Variants in CDADC1 observed in about 807,000 individuals in gnomAD.
CDADC1 encodes the protein dCTP deaminase.
A neutral mutation model predicts 54.9 loss-of-function variants in CDADC1; 39 were observed. That is an observed-to-expected ratio of 0.71 (90% confidence interval 0.55 to 0.93). The LOEUF (loss-of-function observed/expected upper bound fraction) is 0.93, where lower values mean the gene tolerates loss of function less well. Among genes scored for constraint, CDADC1 ranks in the 40% least tolerant of loss-of-function variants. The pLI is 0.00. For synonymous variants in CDADC1, 186 were observed against 204.0 expected (o/e 0.91, Z 0.75); for missense variants, 518 against 618.8 (o/e 0.84, Z 1.73).
In CDADC1 at chr13:49,291,793, C is replaced by CT; in HGVS notation, c.*40dup. On this transcript the variant is annotated 3_prime_UTR_variant, in exon 10 of 10. Transcript: ENST00000251108. ...CTACACTGCAGGGGAACCTCAAGAA[C>CT]TTTTCATTGCACTTCTAAAATTCAG... 1 of 1,591,216 alleles carries CT rather than the reference C, an allele frequency of 6.3e-7. No individual in the cohort carries two copies. Among genetic ancestry groups the CT allele is most frequent in the Non-Finnish European group, 8.5e-7 (1 of 1,171,084 alleles).
chr13:49,289,853 T>C (rs1017390874), intron 9 of CDADC1, among the ~76,000 whole-genome samples: 1 of 152,152 alleles, frequency 6.6e-6, no homozygotes, highest in African/African-American at 2.4e-5. Context: ...AAGACCAGCC[T>C]GGGCATCACA....
intron 4 of CDADC1, among the ~76,000 whole-genome samples, chr13:49,264,109 C>G (rs1473629649): frequency 6.6e-6 from 1 of 152,240 alleles, no homozygotes; most frequent in Non-Finnish European, 1.5e-5. Flanking sequence ...CTGTGGTTCC[C>G]TAGTCAAGTC....
chr13:49,280,626 A>C lies in CDADC1; in HGVS notation c.1338A>C (p.Val446=), dbSNP rs1487108230. ...TAAAACAAATCTATGCAGGAGATGTAGATGTTGGAAAAAAGAAGGCAGACA... is the reference window on the plus strand; with the variant it reads ...TAAAACAAATCTATGCAGGAGATGTCGATGTTGGAAAAAAGAAGGCAGACA... ...AGIKQIYAGD[V]DVGKKKADIS... The change falls in exon 8 of 10, where the codon GTA becomes GTC. Residue 446 remains valine, a synonymous_variant. Coordinates refer to ENST00000251108, the MANE Select transcript of CDADC1 (RefSeq NM_030911.4). The C allele has an allele frequency of 6.2e-7, 1 of 1,602,308 alleles. No homozygotes were observed.
intron 8 of CDADC1, among the ~76,000 whole-genome samples, chr13:49,283,241 G>T (rs1953403232): frequency 6.6e-6 from 1 of 152,024 alleles, no homozygotes; most frequent in East Asian, 1.9e-4. Context: ...TCCAGTGTCT[G>T]TCATGTGTAT....
rs180781464 is a variant in CDADC1 at position 49,261,017 on chromosome 13, C to G, written c.430+1494C>G. On this transcript the variant is annotated intron_variant, in intron 4 of 9. Coordinates refer to ENST00000251108, the MANE Select transcript of CDADC1 (RefSeq NM_030911.4). ...TCATCAAGTTGTAAGAAGCAAAGTTCTAGGGGTCAGTATTTGAAATGGAGA... is the reference window on the plus strand; with the variant it reads ...TCATCAAGTTGTAAGAAGCAAAGTTGTAGGGGTCAGTATTTGAAATGGAGA... Among the ~76,000 whole-genome samples the G allele has an allele frequency of 9.1e-4, 139 of 152,188 alleles. 1 individual carries two copies. Among genetic ancestry groups the G allele is most frequent in the Non-Finnish European group, 3.1e-4 (21 of 68,006 alleles).
chr13:49,286,451 C>T (rs1953516988), intron 9 of CDADC1, among the ~76,000 whole-genome samples, 169 bp downstream of exon 9: 1 of 152,108 alleles, frequency 6.6e-6, no homozygotes. Flanking sequence ...CTACCATATG[C>T]TAGGTGCTAT....
chr13:49,255,540 T>C (rs1021484919), intron 2 of CDADC1, among the ~76,000 whole-genome samples: 2 of 152,238 alleles, frequency 1.3e-5, no homozygotes, highest in African/African-American at 4.8e-5. Context: ...TTTGGACTTT[T>C]CCATTACTCA....
Position 49,292,057 on chromosome 13 carries a change from AG to A in CDADC1, c.*301del, listed in dbSNP as rs572422893. The A allele has an allele frequency of 2.7e-6, 3 of 1,106,416 alleles. No individual in the cohort carries two copies. The African/African-American group carries it at 4.9e-5, about 18-fold the overall frequency. The allele number at this position is 1,106,416 out of a possible 1,614,324, so 68.5% of individuals were successfully genotyped here. Reference sequence around the variant, plus strand: ...TTTCTATTTATCTTGACTTTATATTAGCCAATTTGAAAGGGTCTGCTTCACA... The same window carrying A: ...TTTCTATTTATCTTGACTTTATATTACCAATTTGAAAGGGTCTGCTTCACA... On this transcript the variant is annotated 3_prime_UTR_variant, in exon 10 of 10. Transcript: ENST00000251108.
In CDADC1 at chr13:49,265,894, C is replaced by T. The variant is rs570310172; in HGVS notation, c.431-1596C>T. On this transcript the variant is annotated intron_variant, in intron 4 of 9. Coordinates refer to ENST00000251108, the MANE Select transcript of CDADC1 (RefSeq NM_030911.4). Reference sequence around the variant, plus strand: ...CTTGAATCAGGATTACTGGAAGCAGCTAAGATGCCTAGATGAAAGGTTTAC... The same window carrying T: ...CTTGAATCAGGATTACTGGAAGCAGTTAAGATGCCTAGATGAAAGGTTTAC... The T allele has an allele frequency of 5.4e-6, 7 of 1,302,872 alleles. No homozygotes were observed. The South Asian group carries it at 6.2e-5, about 12-fold the overall frequency. The allele number at this position is 1,302,872 out of a possible 1,614,324, so 80.7% of individuals were successfully genotyped here.
intron 7 of CDADC1, among the ~76,000 whole-genome samples, chr13:49,279,775 G>A (rs1407619161): frequency 2.0e-5 from 3 of 152,202 alleles, no homozygotes; most frequent in East Asian, 1.9e-4. Flanking sequence ...TGAGAGCTAC[G>A]TAAGCCTCAG....
intron 9 of CDADC1, among the ~76,000 whole-genome samples, chr13:49,291,309 AG>A (rs1434781060): frequency 6.6e-6 from 1 of 150,378 alleles, no homozygotes; most frequent in African/African-American, 2.4e-5. Context: ...CTGGGATTAC[AG>A]GTGTGCGCCA....
At chr13:49,260,506 C>T (rs929339833) in intron 4 of CDADC1, among the ~76,000 whole-genome samples, 17 of 152,196 alleles carry the variant, frequency 1.1e-4, no homozygotes, top group Admixed American at 1.0e-3. Context: ...CATTTCTGTT[C>T]TCATCCATTG....
intron 6 of CDADC1, among the ~76,000 whole-genome samples, chr13:49,278,052 T>A (rs1953197769): frequency 6.6e-6 from 1 of 152,210 alleles, no homozygotes; most frequent in Admixed American, 6.5e-5. Context: ...TGGGAAGTAA[T>A]ATCTGAATCA....
intron 9 of CDADC1, 52 bp downstream of exon 9, chr13:49,286,334 CA>C (rs1339561119): frequency 1.6e-6 from 2 of 1,288,874 alleles, no homozygotes; most frequent in Non-Finnish European, 2.2e-6. Context: ...AAAGGATATA[CA>C]GTGAATTTTA....
At chr13:49,256,549 G>A (rs1296617782) in intron 3 of CDADC1, among the ~76,000 whole-genome samples, 1 of 152,192 alleles carries the variant, frequency 6.6e-6, no homozygotes, top group Non-Finnish European at 1.5e-5. Flanking sequence ...CATGTTTTCT[G>A]CTAATATCCA....
intron 1 of CDADC1, chr13:49,248,618 GC>G: frequency 2.0e-6 from 1 of 488,684 alleles, no homozygotes. Context: ...ATGTGTATTA[GC>G]TGTACCGTTT....
At chr13:49,253,436 A>G (rs1394788768) in intron 2 of CDADC1, among the ~76,000 whole-genome samples, 2 of 152,208 alleles carry the variant, frequency 1.3e-5, no homozygotes, top group African/African-American at 2.4e-5. Context: ...TTGGAGCAGC[A>G]CCTTAGTCTA....
intron 8 of CDADC1, among the ~76,000 whole-genome samples, chr13:49,282,123 A>T (rs543596079): frequency 1.5e-4 from 23 of 152,202 alleles, no homozygotes; most frequent in Middle Eastern, 3.4e-3. Context: ...TGGCCCGGGA[A>T]AAAAAGAATT....
At chr13:49,248,147 A>ACC in intron 1 of CDADC1, 28 bp downstream of exon 1, 1 of 1,530,360 alleles carries the variant, frequency 6.5e-7, no homozygotes, top group Non-Finnish European at 8.9e-7. Context: ...TGCTCCCGCC[A>ACC]CCCTACCTTT....
Sources: gnomAD v4.1 joint callset for allele counts (sites outside exome capture counted in the v4.1 genomes callset) on GRCh38, gnomAD v4.1.1 for gene constraint, MANE v1.5 for transcripts, NCBI Gene and HGNC (gene_info 2026-07-23, HGNC 2026-07-21) for gene names.